The following FXN variants were observed in gnomAD, a reference collection of about 807,000 sequenced individuals.
FXN encodes the protein frataxin, mitochondrial.
In FXN, 14 loss-of-function variants were observed where a neutral mutation model predicts 22.4. That is an observed-to-expected ratio of 0.62 (90% confidence interval 0.41 to 0.98). The LOEUF (loss-of-function observed/expected upper bound fraction) is 0.98, where lower values mean the gene tolerates loss of function less well. Ranked by LOEUF, FXN falls within the 50% of genes least tolerant of loss-of-function variation. The pLI is 0.00. For missense variants in FXN, 267 were observed against 268.4 expected (o/e 0.99, Z 0.04); for synonymous variants, 120 against 114.1 (o/e 1.05, Z -0.33).
intron 4 of FXN, among the ~76,000 whole-genome samples, chr9:69,069,268 G>C (rs1832229111): frequency 1.3e-5 from 2 of 152,134 alleles, no homozygotes; most frequent in South Asian, 4.1e-4. Context: ...GGGAGACTGA[G>C]ACAGGAGAAT....
At chr9:69,067,472 G>A (rs1343188071) in intron 4 of FXN, among the ~76,000 whole-genome samples, 1 of 152,220 alleles carries the variant, frequency 6.6e-6, no homozygotes, top group Non-Finnish European at 1.5e-5. Flanking sequence ...TAGAGGAGCA[G>A]GAGGTTGTGG....
In FXN at chr9:69,053,365, G is replaced by T. The variant is rs934507658; in HGVS notation, c.384+105G>T. On this transcript the variant is annotated intron_variant, in intron 3 of 4. Coordinates refer to ENST00000484259, the MANE Select transcript of FXN (RefSeq NM_000144.5). ...AGAGCTAAGCATCAAGTAGCATGTAGTTGTAGGTAGGATTAAAAGACTAGG... is the reference window on the plus strand; with the variant it reads ...AGAGCTAAGCATCAAGTAGCATGTATTTGTAGGTAGGATTAAAAGACTAGG... 159 of 1,374,056 alleles carry T rather than the reference G, an allele frequency of 1.2e-4. 1 individual carries two copies. In the South Asian group the frequency reaches 1.3e-3, roughly 11 times the overall value. 85.1% of individuals were successfully genotyped at this position (1,374,056 alleles called of 1,614,324 possible).
At chr9:69,038,301 G>A (rs1278344194) in intron 1 of FXN, among the ~76,000 whole-genome samples, 1 of 151,966 alleles carries the variant, frequency 6.6e-6, no homozygotes, top group African/African-American at 2.4e-5. Context: ...GCTCCCCCTG[G>A]TCTCCAAAAT....
At chr9:69,062,203 T>A (rs567645657) in intron 3 of FXN, among the ~76,000 whole-genome samples, 1 of 152,270 alleles carries the variant, frequency 6.6e-6, no homozygotes, top group African/African-American at 2.4e-5. Context: ...CCTCAATCTC[T>A]GAGGCTCAAG....
intron 4 of FXN, among the ~76,000 whole-genome samples, chr9:69,066,778 G>T (rs1291546923): frequency 6.6e-6 from 1 of 151,974 alleles, no homozygotes; most frequent in African/African-American, 2.4e-5. Flanking sequence ...CCAGCAATAC[G>T]CTCTAGCTGT....
chr9:69,044,340 G>A (rs188642891), intron 1 of FXN, among the ~76,000 whole-genome samples: 1 of 152,166 alleles, frequency 6.6e-6, no homozygotes, highest in African/African-American at 2.4e-5. Flanking sequence ...TCTAACAGTG[G>A]TTATCATGGC....
chr9:69,060,575 A>G lies in FXN; in HGVS notation c.385-4363A>G, dbSNP rs1356802208. Reference sequence around the variant, plus strand: ...ATCTGGTCTATTTGTAGTCAGTTCCAAAAGCATTAAGAATTTCTGCTGAAC... The same window carrying G: ...ATCTGGTCTATTTGTAGTCAGTTCCGAAAGCATTAAGAATTTCTGCTGAAC... On this transcript the variant is annotated intron_variant, in intron 3 of 4. Coordinates refer to ENST00000484259, the MANE Select transcript of FXN (RefSeq NM_000144.5). Among the ~76,000 whole-genome samples, 3 of 152,236 alleles carry G rather than the reference A, an allele frequency of 2.0e-5. No individual in the cohort carries two copies. In the East Asian group the frequency reaches 5.8e-4, roughly 29 times the overall value.
rs59907886 is a variant in FXN, at chr9:69,046,445, A to G, written c.226A>G (p.Met76Val). Residue 76 changes from methionine to valine, a missense_variant, in exon 2 of 5, where the codon ATG (methionine) becomes GTG (valine). By Grantham distance (21) the Met-to-Val change is conservative. Transcript: ENST00000484259. The part of the protein sequence containing the change: ...WNVKKQSVYL[M>V]NLRKSGTLGH... Reference sequence around the variant, plus strand: ...TGTCAAAAAGCAGAGTGTCTATTTGATGAATTTGAGGAAATCTGGAACTTT... The same window carrying G: ...TGTCAAAAAGCAGAGTGTCTATTTGGTGAATTTGAGGAAATCTGGAACTTT... The G allele has an allele frequency of 2.8e-3, 4,466 of 1,614,094 alleles. 110 individuals are homozygous for G. In the African/African-American group the frequency reaches 0.051, roughly 19 times the overall value.
chr9:69,044,247 A>G (rs1305071499), intron 1 of FXN, among the ~76,000 whole-genome samples: 1 of 152,188 alleles, frequency 6.6e-6, no homozygotes, highest in Non-Finnish European at 1.5e-5. Context: ...CCCTCACAGG[A>G]TTGTAATGAA....
chr9:69,048,660 CA>C (rs1214358129), intron 2 of FXN, among the ~76,000 whole-genome samples: 1 of 152,110 alleles, frequency 6.6e-6, no homozygotes, highest in African/African-American at 2.4e-5. Flanking sequence ...CACGTTTGTG[CA>C]GCCTTTTATC....
chr9:69,064,442 A>G (rs1395155850), intron 3 of FXN, among the ~76,000 whole-genome samples: 1 of 152,242 alleles, frequency 6.6e-6, no homozygotes, highest in Non-Finnish European at 1.5e-5. Context: ...CTCTCCTAAG[A>G]CAAGCAAAGC....
chr9:69,070,705 G>A (rs763884009), intron 4 of FXN, among the ~76,000 whole-genome samples: 5 of 151,514 alleles, frequency 3.3e-5, no homozygotes, highest in African/African-American at 7.3e-5. Context: ...TCAAATAAAG[G>A]TTGTTTAATA....
intron 2 of FXN, among the ~76,000 whole-genome samples, chr9:69,049,984 T>C (rs922503824): frequency 6.6e-6 from 1 of 152,224 alleles, no homozygotes; most frequent in Non-Finnish European, 1.5e-5. Flanking sequence ...AGACATAGAA[T>C]GTTACCAGCC....
In FXN at chr9:69,075,054, T is replaced by G; in HGVS notation, c.*2292T>G. ...GTGGAAGTTAAGGAATCTGGGCTCT[T>G]ATGGGGTCCTTGTGGGCCAGCCCTT... is the stretch of plus-strand genomic sequence containing the variant. On this transcript the variant is annotated 3_prime_UTR_variant, in exon 5 of 5. Transcript: ENST00000484259. 1.0e-6 allele frequency: 1 copy of G among 985,424 alleles called. No individual in the cohort carries two copies. Among genetic ancestry groups the G allele is most frequent in the Non-Finnish European group, 1.2e-6 (1 of 829,948 alleles). The allele number at this position is 985,424 out of a possible 1,614,324, so 61.0% of individuals were successfully genotyped here. A position where few individuals can be genotyped will look rare whatever the true frequency, so the allele number is the denominator to read the frequency against.
intron 4 of FXN, among the ~76,000 whole-genome samples, chr9:69,071,868 A>G (rs1231396942): frequency 6.6e-6 from 1 of 152,230 alleles, no homozygotes; most frequent in African/African-American, 2.4e-5. Context: ...AAAATAAAAA[A>G]CAAAACAAAA....
chr9:69,069,786 G>A (rs2498430), intron 4 of FXN, among the ~76,000 whole-genome samples: 76,251 of 152,092 alleles, frequency 0.5, 19,235 homozygotes, highest in Admixed American at 0.6. Context: ...AGTCCACGGA[G>A]GAGGATGCCT....
At chr9:69,064,116 C>CATCCTGTTCCTGTT (rs1217544117) in intron 3 of FXN, among the ~76,000 whole-genome samples, 1 of 152,228 alleles carries the variant, frequency 6.6e-6, no homozygotes, top group East Asian at 1.9e-4. Context: ...TGGGGAACAG[C>CATCCTGTTCCTGTT]AGGCTTCCCC....
At chr9:69,053,364 A>AG in intron 3 of FXN, 104 bp downstream of exon 3, 1 of 1,374,942 alleles carries the variant, frequency 7.3e-7, no homozygotes, top group Middle Eastern at 2.0e-4. Context: ...AGTAGCATGT[A>AG]GTTGTAGGTA....
intron 2 of FXN, among the ~76,000 whole-genome samples, chr9:69,052,593 AGTGCAGTG>A (rs1338772141): frequency 7.8e-6 from 1 of 127,674 alleles, no homozygotes; most frequent in Non-Finnish European, 1.6e-5. Flanking sequence ...CCCAGGCTGG[AGTGCAGTG>A]GCGCAATCTC....
Sources: gnomAD v4.1 joint callset for allele counts (sites outside exome capture counted in the v4.1 genomes callset) on GRCh38, gnomAD v4.1.1 for gene constraint, MANE v1.5 for transcripts, NCBI Gene and HGNC (gene_info 2026-07-23, HGNC 2026-07-21) for gene names.